CMTM8: variants seen among roughly 807,000 people sequenced by gnomAD.
CMTM8 encodes CKLF-like MARVEL transmembrane domain-containing protein 8.
A neutral mutation model predicts 18.6 loss-of-function variants in CMTM8; 12 were observed. The observed-to-expected ratio is 0.65, with a 90% CI of 0.41 to 1.05. The LOEUF (loss-of-function observed/expected upper bound fraction) is 1.05, where lower values mean the gene tolerates loss of function less well. Ranked by LOEUF, CMTM8 falls within the 50% of genes least tolerant of loss-of-function variation. The probability of loss-of-function intolerance (pLI) is 0.00; values close to 1 mark genes in which losing one functional copy is unlikely to be tolerated. For missense variants in CMTM8, 217 were observed against 227.2 expected, an observed-to-expected ratio of 0.95 and a Z score of 0.29; for synonymous variants, 87 against 90.6, an observed-to-expected ratio of 0.96 and a Z score of 0.23.
chr3:32,285,228 G>A (rs1461755904), intron 1 of CMTM8, among the ~76,000 whole-genome samples: 1 of 152,152 alleles, frequency 6.6e-6, no homozygotes. Flanking sequence ...TAATAGTGGT[G>A]CAGTGGCTGG....
intron 1 of CMTM8, among the ~76,000 whole-genome samples, chr3:32,351,504 T>A (rs1352500613): frequency 6.6e-6 from 1 of 152,062 alleles, no homozygotes; most frequent in Non-Finnish European, 1.5e-5. Context: ...GCCCAGGAGT[T>A]CGAGACCAGC....
intron 1 of CMTM8, among the ~76,000 whole-genome samples, chr3:32,345,903 C>A (rs565423522): frequency 3.3e-5 from 5 of 152,232 alleles, no homozygotes; most frequent in South Asian, 2.1e-4. Context: ...ACCTATAATC[C>A]CAGCACTTTG....
At chr3:32,289,068 A>G (rs1702735986) in intron 1 of CMTM8, among the ~76,000 whole-genome samples, 1 of 152,212 alleles carries the variant, frequency 6.6e-6, no homozygotes, top group South Asian at 2.1e-4. Flanking sequence ...ATATATGAGC[A>G]AAGCACGTTA....
At position 32,359,206 on chromosome 3, in the gene CMTM8, C is replaced by T. The variant is rs187311215; in HGVS notation, c.321+1660C>T. On this transcript the variant is annotated intron_variant, in intron 2 of 3. Coordinates refer to ENST00000307526, the MANE Select transcript of CMTM8 (RefSeq NM_178868.5). ...AGTACTGTAGTCGTCTTGGGCCACA[C>T]GCCTACGGCCCAGCCACTCAACTCT... Among the ~76,000 whole-genome samples the T allele has an allele frequency of 1.4e-3, 206 of 152,326 alleles. 1 individual carries two copies. The highest frequency in any genetic ancestry group is 8.7e-3 in the South Asian group (42 of 4,822).
intron 1 of CMTM8, among the ~76,000 whole-genome samples, chr3:32,240,130 C>T (rs1701928878): frequency 6.6e-6 from 1 of 152,218 alleles, no homozygotes; most frequent in Non-Finnish European, 1.5e-5. Flanking sequence ...AGAATGGGCA[C>T]ACCATCATGG....
intron 1 of CMTM8, among the ~76,000 whole-genome samples, chr3:32,338,323 G>C (rs1382528074): frequency 6.6e-6 from 1 of 152,056 alleles, no homozygotes; most frequent in Non-Finnish European, 1.5e-5. Flanking sequence ...TGCTCTTGAG[G>C]TTCCTCAGCA....
At chr3:32,266,252 C>T (rs958884591) in intron 1 of CMTM8, among the ~76,000 whole-genome samples, 46 of 152,276 alleles carry the variant, frequency 3.0e-4, no homozygotes, top group African/African-American at 8.4e-4. Context: ...AAAGCTTATC[C>T]ACCATGATCA....
chr3:32,352,645 A>G (rs1418448544), intron 1 of CMTM8, among the ~76,000 whole-genome samples: 2 of 152,252 alleles, frequency 1.3e-5, no homozygotes, highest in Non-Finnish European at 2.9e-5. Flanking sequence ...AAAAGCAGAA[A>G]CTAATCTAGG....
At chr3:32,288,760 A>C (rs374170675) in intron 1 of CMTM8, among the ~76,000 whole-genome samples, 1 of 152,224 alleles carries the variant, frequency 6.6e-6, no homozygotes, top group Non-Finnish European at 1.5e-5. Context: ...TTGGCCTCCC[A>C]AAGTGCTGGG....
chr3:32,327,861 C>T (rs1050880934), intron 1 of CMTM8, among the ~76,000 whole-genome samples: 32 of 152,124 alleles, frequency 2.1e-4, no homozygotes, highest in African/African-American at 7.5e-4. Flanking sequence ...TATGAGAACC[C>T]ATGAATACAT....
intron 1 of CMTM8, among the ~76,000 whole-genome samples, chr3:32,292,782 G>A (rs1195959139): frequency 6.6e-6 from 1 of 152,026 alleles, no homozygotes; most frequent in African/African-American, 2.4e-5. Flanking sequence ...ACTGACCTGA[G>A]TCATGGTGAT....
At chr3:32,273,699 G>A (rs535799669) in intron 1 of CMTM8, among the ~76,000 whole-genome samples, 1 of 152,282 alleles carries the variant, frequency 6.6e-6, no homozygotes, top group Non-Finnish European at 1.5e-5. Context: ...GAGGAATGGA[G>A]AGCTATTGCT....
chr3:32,302,031 T>G (rs1695628069), intron 1 of CMTM8, among the ~76,000 whole-genome samples: 1 of 152,098 alleles, frequency 6.6e-6, no homozygotes, highest in South Asian at 2.1e-4. Flanking sequence ...TTTTTTTTTT[T>G]TCTTAATAAG....
intron 1 of CMTM8, among the ~76,000 whole-genome samples, chr3:32,307,834 C>T (rs1211370542): frequency 2.0e-5 from 3 of 152,080 alleles, no homozygotes; most frequent in South Asian, 2.1e-4. Context: ...TTCCAGGTGA[C>T]GTTGATGTTG....
chr3:32,311,882 C>T (rs1375148666), intron 1 of CMTM8, among the ~76,000 whole-genome samples: 1 of 152,164 alleles, frequency 6.6e-6, no homozygotes, highest in Admixed American at 6.5e-5. Flanking sequence ...CAAATTAACA[C>T]AGGTAGAGAA....
At chr3:32,298,977 G>T (rs1695555247) in intron 1 of CMTM8, among the ~76,000 whole-genome samples, 3 of 140,732 alleles carry the variant, frequency 2.1e-5, no homozygotes, top group Admixed American at 2.1e-4. Flanking sequence ...TTAGAGACAG[G>T]GGTCCAGGCT....
At chr3:32,319,629 C>G (rs930505680) in intron 1 of CMTM8, among the ~76,000 whole-genome samples, 1 of 152,184 alleles carries the variant, frequency 6.6e-6, no homozygotes, top group Non-Finnish European at 1.5e-5. Flanking sequence ...TGGTCCTTTT[C>G]AATTGAACAG....
intron 1 of CMTM8, among the ~76,000 whole-genome samples, chr3:32,280,927 G>A (rs991198935): frequency 6.6e-6 from 1 of 151,850 alleles, no homozygotes; most frequent in Non-Finnish European, 1.5e-5. Flanking sequence ...GCAGCTGAGG[G>A]TGAGAGAGAT....
At chr3:32,241,535 G>A (rs952786870) in intron 1 of CMTM8, among the ~76,000 whole-genome samples, 1 of 152,224 alleles carries the variant, frequency 6.6e-6, no homozygotes, top group Non-Finnish European at 1.5e-5. Flanking sequence ...CCAGCATGCT[G>A]TGCTGCTGGG....
Sources: gnomAD v4.1 joint callset for allele counts (sites outside exome capture counted in the v4.1 genomes callset) on GRCh38, gnomAD v4.1.1 for gene constraint, MANE v1.5 for transcripts, NCBI Gene and HGNC (gene_info 2026-07-23, HGNC 2026-07-21) for gene names.